GABRB2: variants seen among roughly 807,000 people sequenced by gnomAD.
GABRB2 encodes gamma-aminobutyric acid receptor subunit beta-2.
Under a neutral mutation model 54.7 loss-of-function variants are expected in GABRB2, and 16 were observed. That is an observed-to-expected ratio of 0.29 (90% CI 0.20 to 0.44). The LOEUF is 0.44. Ranked by LOEUF, GABRB2 falls within the 20% of genes least tolerant of loss-of-function variation. The pLI is 1.00. For synonymous variants in GABRB2, 244 were observed against 233.8 expected, an observed-to-expected ratio of 1.04 and a Z score of -0.40; for missense variants, 355 against 644.0, an observed-to-expected ratio of 0.55 and a Z score of 4.86.
At chr5:161,376,692 G>T (rs1043982817) in intron 5 of GABRB2, among the ~76,000 whole-genome samples, 1 of 151,984 alleles carries the variant, frequency 6.6e-6, no homozygotes, top group Non-Finnish European at 1.5e-5. Flanking sequence ...AATAATCCCA[G>T]CCCAACATTA....
At chr5:161,513,056 G>GAA (rs755660749) in intron 3 of GABRB2, among the ~76,000 whole-genome samples, 14 of 135,976 alleles carry the variant, frequency 1.0e-4, no homozygotes, top group African/African-American at 3.5e-4. Flanking sequence ...AAAGAAAAAA[G>GAA]AAAAAAAAAA....
chr5:161,442,206 A>G (rs1757486641), intron 4 of GABRB2, among the ~76,000 whole-genome samples: 1 of 152,232 alleles, frequency 6.6e-6, no homozygotes, highest in East Asian at 1.9e-4. Context: ...CATCTCATGT[A>G]TCCCATAAAT....
intron 4 of GABRB2, among the ~76,000 whole-genome samples, chr5:161,442,639 G>T (rs1757500397): frequency 6.6e-6 from 1 of 152,170 alleles, no homozygotes; most frequent in Non-Finnish European, 1.5e-5. Context: ...GGACTCCACA[G>T]GTGGCAGCCA....
intron 3 of GABRB2, among the ~76,000 whole-genome samples, chr5:161,523,784 T>C (rs1282192811): frequency 6.6e-6 from 1 of 150,808 alleles, no homozygotes; most frequent in Non-Finnish European, 1.5e-5. Context: ...CTACACAGGA[T>C]CTTATATATA....
At chr5:161,410,953 C>T in intron 5 of GABRB2, 22 bp downstream of exon 5, 1 of 1,594,980 alleles carries the variant, frequency 6.3e-7, no homozygotes, top group Non-Finnish European at 8.6e-7. Flanking sequence ...TCCAGTCTAG[C>T]TGGATTCTCA....
chr5:161,310,538 T>A (rs1189721438), intron 9 of GABRB2, among the ~76,000 whole-genome samples: 1 of 152,168 alleles, frequency 6.6e-6, no homozygotes, highest in East Asian at 1.9e-4. Context: ...ATAGGCCAGA[T>A]ACATTAAAGA....
intron 5 of GABRB2, among the ~76,000 whole-genome samples, chr5:161,358,429 G>GGGGGGAATA (rs1754705498): frequency 6.6e-6 from 1 of 152,110 alleles, no homozygotes; most frequent in African/African-American, 2.4e-5. Context: ...AAAAAAAAGT[G>GGGGGGAATA]GGGGGAATAA....
rs192998472 is a variant in GABRB2, at chr5:161,445,093, C to A, written c.458+14531G>T. Among the ~76,000 whole-genome samples the A allele has an allele frequency of 2.9e-4, 44 of 152,212 alleles. No individual in the cohort carries two copies. In the East Asian group the frequency reaches 7.9e-3, roughly 27 times the overall value. ...ATTCAGCAAATTTTTTAAATTGGCTCTTGTAGGATGTGCACTCCTCAAGAT... is the reference window on the plus strand; with the variant it reads ...ATTCAGCAAATTTTTTAAATTGGCTATTGTAGGATGTGCACTCCTCAAGAT... On this transcript the variant is annotated intron_variant, in intron 4 of 9. Transcript: ENST00000393959.
At chr5:161,446,097 A>T (rs1413064415) in intron 4 of GABRB2, among the ~76,000 whole-genome samples, 1 of 152,162 alleles carries the variant, frequency 6.6e-6, no homozygotes, top group Non-Finnish European at 1.5e-5. Flanking sequence ...AATTCAATTC[A>T]TCACAATTTA....
intron 9 of GABRB2, among the ~76,000 whole-genome samples, chr5:161,306,268 C>T (rs777493935): frequency 6.6e-6 from 1 of 152,192 alleles, no homozygotes; most frequent in Non-Finnish European, 1.5e-5. Flanking sequence ...GTTTCTGTCG[C>T]CCTGAGGCAA....
At chr5:161,531,027 A>G (rs182212927) in intron 3 of GABRB2, among the ~76,000 whole-genome samples, 2 of 152,296 alleles carry the variant, frequency 1.3e-5, no homozygotes, top group East Asian at 3.9e-4. Flanking sequence ...AAACACAAAT[A>G]TGAATTACAG....
intron 4 of GABRB2, among the ~76,000 whole-genome samples, chr5:161,412,852 TTC>T (rs756692411): frequency 3.2e-4 from 49 of 152,318 alleles, no homozygotes; most frequent in East Asian, 2.3e-3. Flanking sequence ...CATCTTATCT[TTC>T]TGTTTATTTC....
intron 4 of GABRB2, among the ~76,000 whole-genome samples, chr5:161,444,100 C>T (rs1757545087): frequency 6.6e-6 from 1 of 152,090 alleles, no homozygotes; most frequent in South Asian, 2.1e-4. Flanking sequence ...GGAAAAAATA[C>T]TGTTCTGAGG....
intron 6 of GABRB2, 72 bp from the exon 7 acceptor site, chr5:161,334,976 A>G (rs1753950127): frequency 2.1e-6 from 3 of 1,418,688 alleles, no homozygotes. Context: ...AAAGGTGCAT[A>G]AACAGTACCT....
intron 3 of GABRB2, among the ~76,000 whole-genome samples, chr5:161,486,846 C>T (rs1370395613): frequency 1.3e-5 from 2 of 151,892 alleles, no homozygotes; most frequent in South Asian, 2.1e-4. Flanking sequence ...GATGAACTAC[C>T]TCAGACAAAG....
At chr5:161,378,820 C>T (rs1755382401) in intron 5 of GABRB2, among the ~76,000 whole-genome samples, 1 of 152,080 alleles carries the variant, frequency 6.6e-6, no homozygotes, top group South Asian at 2.1e-4. Context: ...AATGTTGAAG[C>T]AAAAGTGAGA....
chr5:161,326,080 C>A (rs1335627123), intron 9 of GABRB2, among the ~76,000 whole-genome samples: 1 of 152,058 alleles, frequency 6.6e-6, no homozygotes, highest in East Asian at 1.9e-4. Flanking sequence ...CCTCTCAGTA[C>A]AAATGAAAAG....
intron 3 of GABRB2, among the ~76,000 whole-genome samples, chr5:161,539,309 G>A (rs1390294291): frequency 6.6e-6 from 1 of 152,156 alleles, no homozygotes; most frequent in Non-Finnish European, 1.5e-5. Flanking sequence ...CTGCTCAGGA[G>A]CATTCTAATT....
intron 5 of GABRB2, among the ~76,000 whole-genome samples, chr5:161,403,337 G>C (rs1035451591): frequency 6.6e-6 from 1 of 152,132 alleles, no homozygotes; most frequent in Admixed American, 6.6e-5. Flanking sequence ...AAAGGTCCTA[G>C]CACACTCTCT....
Sources: gnomAD v4.1 joint callset for allele counts (sites outside exome capture counted in the v4.1 genomes callset) on GRCh38, gnomAD v4.1.1 for gene constraint, MANE v1.5 for transcripts, NCBI Gene and HGNC (gene_info 2026-07-23, HGNC 2026-07-21) for gene names.